The following PLGRKT variants were observed in gnomAD, a reference collection of about 807,000 sequenced individuals.
The protein encoded by PLGRKT is plasminogen receptor with a C-terminal lysine.
A neutral mutation model predicts 18.5 loss-of-function variants in PLGRKT; 22 were observed. That is an observed-to-expected ratio of 1.19 (90% CI 0.85 to 1.70). The LOEUF is 1.70. PLGRKT is among the 40% of genes most tolerant of loss of function. The pLI, the probability that PLGRKT is intolerant of heterozygous loss-of-function variation, is 0.00. For missense variants in PLGRKT, 235 were observed against 174.4 expected (o/e 1.35, Z -1.96); for synonymous variants, 72 against 52.8 (o/e 1.36, Z -1.58).
intron 3 of PLGRKT, among the ~76,000 whole-genome samples, chr9:5,422,974 T>C (rs536471008): frequency 1.3e-5 from 2 of 152,350 alleles, no homozygotes; most frequent in African/African-American, 4.8e-5. Flanking sequence ...TGACTTATTT[T>C]CTTAATATTT....
intron 3 of PLGRKT, among the ~76,000 whole-genome samples, chr9:5,428,664 T>C (rs1391743872): frequency 6.6e-6 from 1 of 152,154 alleles, no homozygotes; most frequent in Non-Finnish European, 1.5e-5. Flanking sequence ...TTGAAGTACC[T>C]ATGTTAAACT....
Position 5,431,909 on chromosome 9 carries a change from A to G in PLGRKT, c.69T>C (p.Asn23=), listed in dbSNP as rs751167182. 6.6e-7 allele frequency: 1 copy of G among 1,504,248 alleles called. No individual in the cohort carries two copies. The highest frequency in any genetic ancestry group is 2.3e-5 in the East Asian group (1 of 44,350). 93.2% of individuals were successfully genotyped at this position (1,504,248 alleles called of 1,614,324 possible). A position where few individuals can be genotyped will look rare whatever the true frequency, so the allele number is the denominator to read the frequency against. ...TTTTAAAACATACCTGAAGTCGAGC[A>G]TTCATAAGCATGAACTCCTTTTGAT... ...MKNQKEFMLM[N]ARLQLERQLI... Residue 23 remains asparagine (N), a synonymous_variant, in exon 3 of 6, where the codon AAT becomes AAC. Coordinates refer to ENST00000223864, the MANE Select transcript of PLGRKT (RefSeq NM_018465.4).
At chr9:5,405,718 T>C (rs1347523398) in intron 3 of PLGRKT, among the ~76,000 whole-genome samples, 1 of 152,068 alleles carries the variant, frequency 6.6e-6, no homozygotes. Context: ...TATGATGAAA[T>C]TGCCAAAGGC....
At chr9:5,411,217 CTACTAAAAA>C (rs1044808302) in intron 3 of PLGRKT, among the ~76,000 whole-genome samples, 4 of 151,822 alleles carry the variant, frequency 2.6e-5, no homozygotes, top group Non-Finnish European at 5.9e-5. Context: ...AACCCCGTCT[CTACTAAAAA>C]TACAAAAATT....
At chr9:5,410,532 G>C (rs1256563198) in intron 3 of PLGRKT, among the ~76,000 whole-genome samples, 1 of 149,004 alleles carries the variant, frequency 6.7e-6, no homozygotes, top group Non-Finnish European at 1.5e-5. Flanking sequence ...AAAGAAAAAA[G>C]AAAAAGAAAT....
At chr9:5,437,604 C>G (rs1818985552) in intron 1 of PLGRKT, 185 bp downstream of exon 1, 1 of 152,286 alleles carries the variant, frequency 6.6e-6, no homozygotes, top group African/African-American at 2.4e-5. Flanking sequence ...GACAAGAACG[C>G]GCTCTAATGG....
intron 3 of PLGRKT, among the ~76,000 whole-genome samples, chr9:5,402,048 T>C (rs916073782): frequency 4.6e-5 from 7 of 151,942 alleles, no homozygotes; most frequent in African/African-American, 1.7e-4. Context: ...TTTGAGAGCA[T>C]CAAATTCAAT....
rs138897341 is a variant in PLGRKT at position 5,377,280 on chromosome 9, C to T, written c.82-15392G>A. Among the ~76,000 whole-genome samples the T allele has an allele frequency of 2.0e-5, 3 of 151,440 alleles. No homozygotes were observed. The East Asian group carries it at 5.8e-4, about 29-fold the overall frequency. ...AAAAAAGATAGCACAGAGAAAAAAACTGAAATATTAAACAAGGCTGTTTTG... is the reference window on the plus strand; with the variant it reads ...AAAAAAGATAGCACAGAGAAAAAAATTGAAATATTAAACAAGGCTGTTTTG... On this transcript the variant is annotated intron_variant, in intron 3 of 5. Coordinates refer to ENST00000223864, the MANE Select transcript of PLGRKT (RefSeq NM_018465.4).
chr9:5,398,994 TA>T (rs2131124569), intron 3 of PLGRKT, among the ~76,000 whole-genome samples: 1 of 151,760 alleles, frequency 6.6e-6, no homozygotes, highest in South Asian at 2.1e-4. Context: ...GAGTTACTCA[TA>T]GATAACTTTT....
At chr9:5,433,091 G>C (rs1030080524) in intron 2 of PLGRKT, among the ~76,000 whole-genome samples, 1 of 144,820 alleles carries the variant, frequency 6.9e-6, no homozygotes, top group African/African-American at 2.6e-5. Flanking sequence ...AGGAAGTGAG[G>C]AGCGCCTCTG....
Position 5,431,919 on chromosome 9 carries a change from A to T in PLGRKT, c.59T>A (p.Met20Lys), listed in dbSNP as rs1199576803. 2 of 1,533,338 alleles carry T rather than the reference A, an allele frequency of 1.3e-6. No homozygotes were observed. The highest frequency in any genetic ancestry group is 4.5e-5 in the East Asian group (2 of 44,478). 95.0% of individuals were successfully genotyped at this position (1,533,338 alleles called of 1,614,324 possible). Reference protein sequence around the residue: ...NESMKNQKEFMLMNARLQLER... With the variant: ...NESMKNQKEFKLMNARLQLER... ...TACCTGAAGTCGAGCATTCATAAGC[A>T]TGAACTCCTTTTGATTTTTCATGCT... The change falls in exon 3 of 6, where the codon ATG becomes AAG. Residue 20 changes from methionine (M) to lysine (K), a missense_variant. By Grantham distance (95) the Met-to-Lys change is moderately conservative. Coordinates refer to ENST00000223864, the MANE Select transcript of PLGRKT (RefSeq NM_018465.4).
In PLGRKT at chr9:5,406,603, G is replaced by A. The variant is rs529250153; in HGVS notation, c.81+25294C>T. Among the ~76,000 whole-genome samples the A allele has an allele frequency of 3.5e-5, 5 of 141,356 alleles. No homozygotes were observed. In the South Asian group the frequency reaches 1.2e-3, roughly 35 times the overall value. The allele number at this position is 141,356 out of a possible 152,430, so 92.7% of individuals were successfully genotyped here. A position where few individuals can be genotyped will look rare whatever the true frequency, so the allele number is the denominator to read the frequency against. On this transcript the variant is annotated intron_variant, in intron 3 of 5. Coordinates refer to ENST00000223864, the MANE Select transcript of PLGRKT (RefSeq NM_018465.4). The stretch of plus-strand genomic sequence containing the variant: ...AGGGGAACAACATTCACTGGGGCCT[G>A]TTGGGGGAGGGTGGGCCAGGGGGAG...
intron 3 of PLGRKT, among the ~76,000 whole-genome samples, chr9:5,399,424 T>C (rs547066998): frequency 1.4e-4 from 22 of 151,984 alleles, no homozygotes; most frequent in Non-Finnish European, 5.9e-5. Flanking sequence ...TTCTTCCCTT[T>C]TATATGCTCA....
At position 5,434,785 on chromosome 9, in the gene PLGRKT, C is replaced by T. The variant is rs12348942; in HGVS notation, c.-7+1784G>A. 9.2e-3 allele frequency among the ~76,000 whole-genome samples: 1,407 copies of T among 152,278 alleles called. 22 individuals carry two copies. The highest frequency in any genetic ancestry group is 0.031 in the African/African-American group (1,296 of 41,524). On this transcript the variant is annotated intron_variant, in intron 2 of 5. Transcript: ENST00000223864. ...GAAGTGAGGTGTGCCTCTGCCTGGCCGCCCCATCTGGGAAGTGTACCCAAC... is the reference window on the plus strand; with the variant it reads ...GAAGTGAGGTGTGCCTCTGCCTGGCTGCCCCATCTGGGAAGTGTACCCAAC...
chr9:5,390,394 G>A (rs1348317310), intron 3 of PLGRKT, among the ~76,000 whole-genome samples: 15 of 151,718 alleles, frequency 9.9e-5, no homozygotes, highest in Non-Finnish European at 1.6e-4. Context: ...AAGATCACAG[G>A]AGAGGCCAAA....
chr9:5,359,613 A>G (rs1817218087), intron 5 of PLGRKT, among the ~76,000 whole-genome samples: 1 of 152,232 alleles, frequency 6.6e-6, no homozygotes, highest in South Asian at 2.1e-4. Flanking sequence ...ACTCAGTCGA[A>G]TAGGGATTGT....
intron 2 of PLGRKT, among the ~76,000 whole-genome samples, chr9:5,433,988 G>T (rs1343425451): frequency 1.4e-5 from 2 of 142,428 alleles, no homozygotes; most frequent in African/African-American, 5.3e-5. Flanking sequence ...CTGCCCGGCT[G>T]CCCCGTCTGG....
intron 3 of PLGRKT, among the ~76,000 whole-genome samples, chr9:5,416,970 C>G (rs1421011658): frequency 6.6e-6 from 1 of 152,224 alleles, no homozygotes; most frequent in African/African-American, 2.4e-5. Context: ...ATATTAATAT[C>G]TGCCCTACAT....
chr9:5,377,931 C>T (rs1028021365), intron 3 of PLGRKT, among the ~76,000 whole-genome samples: 5 of 152,226 alleles, frequency 3.3e-5, no homozygotes, highest in Admixed American at 3.3e-4. Context: ...GGCAGTACCA[C>T]TGAGACCTGA....
Sources: allele counts gnomAD v4.1 joint callset (sites outside exome capture counted in the v4.1 genomes callset), GRCh38; gene constraint gnomAD v4.1.1; transcripts MANE v1.5; gene names NCBI Gene and HGNC (gene_info 2026-07-23, HGNC 2026-07-21).